Variants in LEPR observed in about 807,000 individuals in gnomAD.
LEPR encodes the protein leptin receptor.
LEPR carries 56 observed loss-of-function variants against 114.7 expected under a neutral mutation model. The observed-to-expected ratio is 0.49, with a 90% CI of 0.39 to 0.61. The LOEUF (loss-of-function observed/expected upper bound fraction) is 0.61, where lower values mean the gene tolerates loss of function less well. Among genes scored for constraint, LEPR ranks in the 20% least tolerant of loss-of-function variants. The pLI, the probability that LEPR is intolerant of heterozygous loss-of-function variation, is 0.00. For synonymous variants in LEPR, 443 were observed against 461.4 expected (o/e 0.96, Z 0.51); for missense variants, 1,202 against 1,352.9 (o/e 0.89, Z 1.75).
intron 2 of LEPR, among the ~76,000 whole-genome samples, chr1:65,453,847 C>G (rs1017353577): frequency 5.3e-5 from 8 of 151,812 alleles, no homozygotes; most frequent in African/African-American, 1.9e-4. Context: ...TGTTGACTTT[C>G]TGTCTCGTTG....
chr1:65,602,844 T>G (rs1438477443), intron 10 of LEPR, among the ~76,000 whole-genome samples: 2 of 152,158 alleles, frequency 1.3e-5, no homozygotes, highest in East Asian at 3.8e-4. Context: ...AATTCGTACA[T>G]TTCTCAAATA....
chr1:65,472,445 C>CACACATATATTTCTTTTTTAAAAGA (rs1491551499), intron 2 of LEPR, among the ~76,000 whole-genome samples: 1 of 131,794 alleles, frequency 7.6e-6, no homozygotes, highest in Non-Finnish European at 1.6e-5. Flanking sequence ...CACACACACA[C>CACACATATATTTCTTTTTTAAAAGA]GTGTGTATAT....
chr1:65,572,490 T>C (rs770935938), intron 5 of LEPR, 41 bp downstream of exon 5: 1 of 1,545,644 alleles, frequency 6.5e-7, no homozygotes, highest in Non-Finnish European at 8.9e-7. Flanking sequence ...TAATACACAG[T>C]TTTTTTAAAA....
chr1:65,439,840 A>C (rs1186538296), intron 2 of LEPR, among the ~76,000 whole-genome samples: 1 of 149,854 alleles, frequency 6.7e-6, no homozygotes, highest in African/African-American at 2.4e-5. Context: ...AAAAAAAAAA[A>C]AAAAAAAAGC....
chr1:65,634,380 G>A (rs1223062498), intron 19 of LEPR: 1 of 971,232 alleles, frequency 1.0e-6, no homozygotes. Flanking sequence ...ATTATGAAAG[G>A]ACATTCTTTA....
rs6688114 is a variant in LEPR, at chr1:65,549,934, C to G, written c.-20-15612C>G. On this transcript the variant is annotated intron_variant, in intron 2 of 19. Transcript: ENST00000349533. ...TTTTTCTGCTCTGTTTTTTCCCCATCTTTGTGGTTTTATCTACTTTTGGTC... is the reference window on the plus strand; with the variant it reads ...TTTTTCTGCTCTGTTTTTTCCCCATGTTTGTGGTTTTATCTACTTTTGGTC... Among the ~76,000 whole-genome samples the G allele has an allele frequency of 4.1e-3, 629 of 152,224 alleles. 5 individuals carry two copies. Among genetic ancestry groups the G allele is most frequent in the African/African-American group, 0.014 (602 of 41,522 alleles).
chr1:65,603,879 G>A (rs1656629284), intron 10 of LEPR, among the ~76,000 whole-genome samples: 1 of 151,832 alleles, frequency 6.6e-6, no homozygotes, highest in African/African-American at 2.4e-5. Flanking sequence ...TTTCTTTTCT[G>A]AGAAAATGAG....
chr1:65,615,781 G>A (rs1288112581), intron 14 of LEPR, among the ~76,000 whole-genome samples: 1 of 152,140 alleles, frequency 6.6e-6, no homozygotes, highest in South Asian at 2.1e-4. Context: ...TCAAAAAGGG[G>A]AAAATAAGTT....
Position 65,601,417 on chromosome 1 carries a change from T to C in LEPR, c.1020T>C (p.Ile340=), listed in dbSNP as rs1230200461. The change falls in exon 9 of 20, where the codon ATT becomes ATC. Residue 340 remains isoleucine, a synonymous_variant. Transcript: ENST00000349533. ...ATGTCATATACTTTCCACCTAAAAT[T>C]CTGACAAGTGTTGGGTCTAATGTTT... is the stretch of plus-strand genomic sequence containing the variant. ...TQDVIYFPPK[I]LTSVGSNVSF... is the part of the protein sequence containing the mutation. 6.2e-6 allele frequency: 10 copies of C among 1,613,302 alleles called. No individual in the cohort carries two copies. Among genetic ancestry groups the C allele is most frequent in the Non-Finnish European group, 7.6e-6 (9 of 1,179,604 alleles).
In LEPR at chr1:65,572,316, T is replaced by TAAA; in HGVS notation, c.371-10_371-9insAAA. On this transcript the variant is annotated splice_polypyrimidine_tract_variant and intron_variant, in intron 4 of 19. Transcript: ENST00000349533. ...TTTTTTTTTTTTTTTTTTTTTTTTT[T>TAAA]TAAATTCAGATGCAAACTGGAACAT... 2.8e-6 allele frequency: 4 copies of TAAA among 1,427,488 alleles called. No individual in the cohort carries two copies. Among genetic ancestry groups the TAAA allele is most frequent in the African/African-American group, 1.5e-5 (1 of 67,172 alleles). The allele number at this position is 1,427,488 out of a possible 1,614,324, so 88.4% of individuals were successfully genotyped here. A position where few individuals can be genotyped will look rare whatever the true frequency, so the allele number is the denominator to read the frequency against.
chr1:65,457,438 C>G (rs1281928036), intron 2 of LEPR, among the ~76,000 whole-genome samples: 1 of 152,046 alleles, frequency 6.6e-6, no homozygotes, highest in Admixed American at 6.6e-5. Flanking sequence ...ACTGATAGAT[C>G]CCCAGTCTCA....
At chr1:65,607,432 G>C (rs1009702639) in intron 11 of LEPR, among the ~76,000 whole-genome samples, 5 of 152,186 alleles carry the variant, frequency 3.3e-5, no homozygotes, top group Non-Finnish European at 7.3e-5. Flanking sequence ...TGAGCCGTGG[G>C]CAGGTGTGGA....
intron 2 of LEPR, among the ~76,000 whole-genome samples, chr1:65,428,831 AT>A (rs967388915): frequency 1.1e-3 from 172 of 150,096 alleles, no homozygotes; most frequent in African/African-American, 3.5e-3. Flanking sequence ...CCAGATGGCA[AT>A]TTTTTTTTTA....
chr1:65,634,177 CTA>C (rs1658629844), intron 19 of LEPR: 1 of 984,676 alleles, frequency 1.0e-6, no homozygotes, highest in Admixed American at 6.2e-5. Flanking sequence ...AAACCAACGA[CTA>C]TGTTTAATGA....
In LEPR at chr1:65,637,418, T is replaced by C. The variant is rs375886561; in HGVS notation, c.*403T>C. The C allele has an allele frequency of 1.8e-3, 297 of 167,024 alleles. 1 individual carries two copies. In the Middle Eastern group the frequency reaches 0.018, roughly 10 times the overall value. 10.3% of individuals were successfully genotyped at this position (167,024 alleles called of 1,614,324 possible). A position where few individuals can be genotyped will look rare whatever the true frequency, so the allele number is the denominator to read the frequency against. The stretch of plus-strand genomic sequence containing the variant: ...CCTTGTGTGTTTTGAGAGTATATTA[T>C]GTATTTATATTTTGTGCTATCAGAC... On this transcript the variant is annotated 3_prime_UTR_variant, in exon 20 of 20. Coordinates refer to ENST00000349533, the MANE Select transcript of LEPR (RefSeq NM_002303.6).
intron 2 of LEPR, among the ~76,000 whole-genome samples, chr1:65,528,516 G>T (rs1650133995): frequency 6.6e-6 from 1 of 151,772 alleles, no homozygotes; most frequent in Non-Finnish European, 1.5e-5. Flanking sequence ...GATATTACCT[G>T]TTATCATCAC....
chr1:65,629,556 C>T (rs1466295060), intron 19 of LEPR, among the ~76,000 whole-genome samples: 4 of 151,596 alleles, frequency 2.6e-5, no homozygotes, highest in South Asian at 2.1e-4. Flanking sequence ...AAAATTGTGC[C>T]GAATTTTAGT....
chr1:65,559,841 G>T (rs1340970778), intron 2 of LEPR, among the ~76,000 whole-genome samples: 2 of 129,932 alleles, frequency 1.5e-5, no homozygotes, highest in Non-Finnish European at 3.3e-5. Context: ...TCTCAGGTTT[G>T]TCAAAGATCA....
intron 5 of LEPR, among the ~76,000 whole-genome samples, chr1:65,575,770 C>T (rs977151463): frequency 6.6e-6 from 1 of 151,462 alleles, no homozygotes; most frequent in Non-Finnish European, 1.5e-5. Flanking sequence ...ATAGGAACAT[C>T]TGTTTGCTGA....
Sources: allele counts gnomAD v4.1 joint callset (sites outside exome capture counted in the v4.1 genomes callset), GRCh38; gene constraint gnomAD v4.1.1; transcripts MANE v1.5; gene names NCBI Gene and HGNC (gene_info 2026-07-23, HGNC 2026-07-21).